SGPP2: variants seen among roughly 807,000 people sequenced by gnomAD.
SGPP2 encodes the protein sphingosine 1-phosphate phosphohydrolase 2.
Under a neutral mutation model 33.9 loss-of-function variants are expected in SGPP2, and 30 were observed. The observed-to-expected ratio is 0.89, with a 90% CI of 0.66 to 1.20. The LOEUF is 1.20. Ranked by LOEUF, SGPP2 falls within the 50% of genes most tolerant of loss-of-function variation. The pLI, the probability that SGPP2 is intolerant of heterozygous loss-of-function variation, is 0.00. For synonymous variants in SGPP2, 233 were observed against 225.0 expected, an observed-to-expected ratio of 1.04 and a Z score of -0.32; for missense variants, 458 against 532.1, an observed-to-expected ratio of 0.86 and a Z score of 1.37.
intron 4 of SGPP2, among the ~76,000 whole-genome samples, chr2:222,544,852 G>C (rs13428773): frequency 0.3 from 45,081 of 151,960 alleles, 7,584 homozygotes; most frequent in Non-Finnish European, 0.38. Flanking sequence ...TTACAAAATT[G>C]TGAGCGTGTA....
intron 1 of SGPP2, among the ~76,000 whole-genome samples, chr2:222,470,067 GA>G (rs1357784468): frequency 2.6e-5 from 4 of 152,124 alleles, no homozygotes; most frequent in African/African-American, 9.7e-5. Flanking sequence ...TGAACAACGA[GA>G]ACACATGGAC....
At chr2:222,447,558 T>C (rs1490851725) in intron 1 of SGPP2, among the ~76,000 whole-genome samples, 1 of 151,948 alleles carries the variant, frequency 6.6e-6, no homozygotes, top group Non-Finnish European at 1.5e-5. Context: ...AAAATTAGAG[T>C]GATTGTTGCA....
chr2:222,496,289 G>A (rs181820448), intron 2 of SGPP2, among the ~76,000 whole-genome samples: 14 of 152,340 alleles, frequency 9.2e-5, no homozygotes, highest in Non-Finnish European at 1.6e-4. Context: ...AGTTTGAGAC[G>A]CTTTCCAAAG....
chr2:222,556,117 C>T (rs975401494), intron 4 of SGPP2, among the ~76,000 whole-genome samples: 14 of 152,024 alleles, frequency 9.2e-5, no homozygotes, highest in Admixed American at 7.9e-4. Context: ...TTGAGAGTGG[C>T]GTATCATCTG....
At chr2:222,486,602 T>C (rs1698113032) in intron 2 of SGPP2, among the ~76,000 whole-genome samples, 1 of 152,214 alleles carries the variant, frequency 6.6e-6, no homozygotes, top group South Asian at 2.1e-4. Context: ...TTACAGGTCC[T>C]GACTACATGC....
intron 1 of SGPP2, among the ~76,000 whole-genome samples, chr2:222,466,121 A>G (rs6723381): frequency 0.58 from 87,849 of 151,914 alleles, 26,477 homozygotes; most frequent in African/African-American, 0.76. Flanking sequence ...TAGTGAGACC[A>G]TATCTCTACT....
chr2:222,424,511 G>A, upstream of SGPP2: 3 of 917,766 alleles, frequency 3.3e-6, no homozygotes, highest in Admixed American at 4.7e-5. Flanking sequence ...CCCGGAGTGC[G>A]GGATCGGCGG....
chr2:222,427,844 C>T (rs534979600), intron 1 of SGPP2, among the ~76,000 whole-genome samples: 1 of 152,336 alleles, frequency 6.6e-6, no homozygotes, highest in African/African-American at 2.4e-5. Flanking sequence ...GTTCTCATTA[C>T]ACCACACGCT....
intron 2 of SGPP2, among the ~76,000 whole-genome samples, chr2:222,484,608 G>A (rs148777431): frequency 1.3e-3 from 195 of 152,144 alleles, no homozygotes; most frequent in African/African-American, 4.3e-3. Context: ...ATGTCTTACC[G>A]AGAAAAAACA....
intron 2 of SGPP2, among the ~76,000 whole-genome samples, chr2:222,505,788 A>G (rs866079252): frequency 6.6e-6 from 1 of 151,940 alleles, no homozygotes; most frequent in African/African-American, 2.4e-5. Context: ...TACAAAAATT[A>G]TCTGGGTTTG....
chr2:222,474,559 G>A lies in SGPP2; in HGVS notation c.220-9G>A. ...GAACTCACAGAGTCTTCTAACTTTT[G>A]TCTTTTAGGCTTATGTACAGAAGTA... On this transcript the variant is annotated splice_polypyrimidine_tract_variant and intron_variant, in intron 1 of 4. Coordinates refer to ENST00000321276, the MANE Select transcript of SGPP2 (RefSeq NM_152386.4). The A allele has an allele frequency of 1.2e-6, 2 of 1,611,610 alleles. No individual in the cohort carries two copies. Among genetic ancestry groups the A allele is most frequent in the East Asian group, 2.2e-5 (1 of 44,812 alleles).
intron 1 of SGPP2, 73 bp downstream of exon 1, chr2:222,424,894 C>T (rs771267517): frequency 2.5e-6 from 3 of 1,177,800 alleles, no homozygotes; most frequent in Non-Finnish European, 2.2e-6. Flanking sequence ...GCGACTCCGC[C>T]ACGCGGGGCC....
chr2:222,424,650 C>A lies in SGPP2; in HGVS notation c.48C>A (p.Arg16=). 7.0e-7 allele frequency: 1 copy of A among 1,432,888 alleles called. No homozygotes were observed. 88.8% of individuals were successfully genotyped at this position (1,432,888 alleles called of 1,614,324 possible). A position where few individuals can be genotyped will look rare whatever the true frequency, so the allele number is the denominator to read the frequency against. Residue 16 remains arginine, a synonymous_variant, in exon 1 of 5, where the codon CGC becomes CGA. Transcript: ENST00000321276. ...RSLQDSQLVA[R]FQRRCGLFPA... The stretch of plus-strand genomic sequence containing the variant: ...TGCAGGATTCCCAGCTCGTCGCCCG[C>A]TTCCAGCGCCGCTGCGGGCTCTTCC...
chr2:222,561,619 T>C lies in SGPP2; in HGVS notation c.*2721T>C, dbSNP rs988654544. ...ACAATAGGAAGGCCGATCAGCTATA[T>C]TGATATATTTAAGGCTGTACTTAAC... On this transcript the variant is annotated 3_prime_UTR_variant, in exon 5 of 5. Coordinates refer to ENST00000321276, the MANE Select transcript of SGPP2 (RefSeq NM_152386.4). Among the ~76,000 whole-genome samples the C allele has an allele frequency of 6.6e-5, 10 of 151,722 alleles. No homozygotes were observed. The highest frequency in any genetic ancestry group is 1.3e-4 in the Admixed American group (2 of 15,212).
intron 1 of SGPP2, among the ~76,000 whole-genome samples, chr2:222,441,323 T>C (rs1697322278): frequency 6.6e-6 from 1 of 152,250 alleles, no homozygotes; most frequent in African/African-American, 2.4e-5. Context: ...AGAAAGTATT[T>C]GTCAAATATC....
intron 2 of SGPP2, among the ~76,000 whole-genome samples, chr2:222,515,758 G>T (rs895212960): frequency 2.6e-5 from 4 of 152,120 alleles, no homozygotes; most frequent in Admixed American, 2.6e-4. Flanking sequence ...CAAGTTGAGG[G>T]TTGAGCGTGG....
chr2:222,448,305 G>A (rs1204055188), intron 1 of SGPP2, among the ~76,000 whole-genome samples: 1 of 152,188 alleles, frequency 6.6e-6, no homozygotes, highest in Non-Finnish European at 1.5e-5. Context: ...TGCTGGCCAA[G>A]TGTGGTTGTT....
At chr2:222,470,963 G>A (rs1380579388) in intron 1 of SGPP2, among the ~76,000 whole-genome samples, 1 of 152,148 alleles carries the variant, frequency 6.6e-6, no homozygotes, top group Non-Finnish European at 1.5e-5. Context: ...AACTTGTCTC[G>A]GACCCTTGTC....
rs150022778 is a variant in SGPP2 at position 222,440,467 on chromosome 2, C to G, written c.219+15646C>G. Among the ~76,000 whole-genome samples, 1,222 of 151,878 alleles carry G rather than the reference C, an allele frequency of 8.0e-3. 13 individuals carry two copies. Among genetic ancestry groups the G allele is most frequent in the African/African-American group, 0.027 (1,133 of 41,436 alleles). ...AAGAGATTCTCCTGCCTTAGCCTCC[C>G]GAGTAGCTGGGACTCCAGGCGCCCA... On this transcript the variant is annotated intron_variant, in intron 1 of 4. Coordinates refer to ENST00000321276, the MANE Select transcript of SGPP2 (RefSeq NM_152386.4).
Sources: gnomAD v4.1 joint callset for allele counts (sites outside exome capture counted in the v4.1 genomes callset) on GRCh38, gnomAD v4.1.1 for gene constraint, MANE v1.5 for transcripts, NCBI Gene and HGNC (gene_info 2026-07-23, HGNC 2026-07-21) for gene names.